POLR3B: variants seen among roughly 807,000 people sequenced by gnomAD.
The protein encoded by POLR3B is DNA-directed RNA polymerase III subunit RPC2.
In POLR3B, 96 loss-of-function variants were observed where a neutral mutation model predicts 147.4. The ratio of observed to expected loss-of-function variants is 0.65; its 90% CI spans 0.55 to 0.77. The LOEUF (loss-of-function observed/expected upper bound fraction) is 0.77, where lower values mean the gene tolerates loss of function less well. Among genes scored for constraint, POLR3B ranks in the 30% least tolerant of loss-of-function variants. POLR3B has a pLI of 0.00. For missense variants in POLR3B, 1,036 were observed against 1,413.5 expected, an observed-to-expected ratio of 0.73 and a Z score of 4.28; for synonymous variants, 461 against 485.9, an observed-to-expected ratio of 0.95 and a Z score of 0.67.
At chr12:106,377,865 C>A (rs1227243289) in intron 7 of POLR3B, among the ~76,000 whole-genome samples, 1 of 152,018 alleles carries the variant, frequency 6.6e-6, no homozygotes, top group Non-Finnish European at 1.5e-5. Context: ...GAGGCTGAGG[C>A]GGGAGGATGG....
intron 12 of POLR3B, among the ~76,000 whole-genome samples, chr12:106,411,908 AT>A (rs534832183): frequency 7.1e-4 from 108 of 152,302 alleles, no homozygotes; most frequent in Non-Finnish European, 1.4e-3. Flanking sequence ...TGTTTTAGAA[AT>A]TTCATTTAGG....
Position 106,357,948 on chromosome 12 carries a change from A to T in POLR3B, c.69A>T (p.Val23=), listed in dbSNP as rs1288161748. The T allele has an allele frequency of 1.2e-6, 2 of 1,612,694 alleles. No homozygotes were observed. The highest frequency in any genetic ancestry group is 2.7e-5 in the African/African-American group (2 of 74,918). The change falls in exon 1 of 28, where the codon GTA becomes GTT. Residue 23 remains valine, a synonymous_variant. Transcript: ENST00000228347. Reference sequence around the variant, plus strand: ...AGCTGGCGGCGCCGATCCCGACTGTAGAGGTCAGTGCCAGGCACGCAGGGA... The same window carrying T: ...AGCTGGCGGCGCCGATCCCGACTGTTGAGGTCAGTGCCAGGCACGCAGGGA... The part of the protein sequence containing the change: ...PEQLAAPIPT[V]EEKWRLLPAF...
At chr12:106,486,470 T>A (rs1359091891) in intron 23 of POLR3B, among the ~76,000 whole-genome samples, 3 of 152,086 alleles carry the variant, frequency 2.0e-5, no homozygotes, top group Non-Finnish European at 4.4e-5. Flanking sequence ...TCTTGTATCT[T>A]ACTCTGCTCC....
At position 106,369,352 on chromosome 12, in the gene POLR3B, T is replaced by C; in HGVS notation, c.303+2T>C. The stretch of plus-strand genomic sequence containing the variant: ...ACTAGACCAGTGTCCCCTCATGAGG[T>C]AATTATGAACCTTACTTTAATTGGA... On this transcript the variant is annotated splice_donor_variant, in intron 5 of 27. Transcript: ENST00000228347. LOFTEE classifies it high-confidence loss of function. The C allele has an allele frequency of 6.6e-7, 1 of 1,522,054 alleles. No homozygotes were observed. Among genetic ancestry groups the C allele is most frequent in the Non-Finnish European group, 9.1e-7 (1 of 1,095,938 alleles). 94.3% of individuals were successfully genotyped at this position (1,522,054 alleles called of 1,614,324 possible).
At chr12:106,452,818 G>A (rs1364861162) in intron 19 of POLR3B, among the ~76,000 whole-genome samples, 1 of 152,044 alleles carries the variant, frequency 6.6e-6, no homozygotes, top group Non-Finnish European at 1.5e-5. Flanking sequence ...TTTTTCAGCT[G>A]AATCTTTTTA....
chr12:106,434,701 G>A (rs1056726913), intron 16 of POLR3B, among the ~76,000 whole-genome samples: 3 of 152,134 alleles, frequency 2.0e-5, no homozygotes, highest in Admixed American at 6.6e-5. Context: ...ACCTCGGGTA[G>A]TGTTGAAGCA....
chr12:106,370,133 A>G (rs1017390991), intron 6 of POLR3B, among the ~76,000 whole-genome samples: 3 of 152,230 alleles, frequency 2.0e-5, no homozygotes, highest in Non-Finnish European at 2.9e-5. Flanking sequence ...CTTCCTGATT[A>G]GGGAAATATA....
chr12:106,363,717 C>T (rs1040546848), intron 1 of POLR3B, among the ~76,000 whole-genome samples, 153 bp from the exon 2 acceptor site: 1 of 152,166 alleles, frequency 6.6e-6, no homozygotes, highest in Non-Finnish European at 1.5e-5. Flanking sequence ...TATTTATATG[C>T]ATATGCACAC....
intron 12 of POLR3B, among the ~76,000 whole-genome samples, chr12:106,423,585 A>T (rs566026120): frequency 1.1e-4 from 16 of 152,318 alleles, no homozygotes; most frequent in Admixed American, 3.3e-4. Context: ...GTCCAAGGCC[A>T]GGAGAAAATG....
chr12:106,453,943 T>C (rs527925201), intron 19 of POLR3B, among the ~76,000 whole-genome samples: 1 of 152,338 alleles, frequency 6.6e-6, no homozygotes, highest in South Asian at 2.1e-4. Context: ...TATTAACTGC[T>C]TAATACATGA....
At chr12:106,384,882 GA>G (rs2036813907) in intron 9 of POLR3B, among the ~76,000 whole-genome samples, 1 of 151,200 alleles carries the variant, frequency 6.6e-6, no homozygotes, top group African/African-American at 2.4e-5. Context: ...GGCTGGAGTG[GA>G]ATGGCGTGAT....
Position 106,457,127 on chromosome 12 carries a change from T to C in POLR3B, c.2294-11T>C, listed in dbSNP as rs2037875320. 1.9e-6 allele frequency: 3 copies of C among 1,611,840 alleles called. No homozygotes were observed. The highest frequency in any genetic ancestry group is 2.5e-6 in the Non-Finnish European group (3 of 1,178,102). On this transcript the variant is annotated splice_polypyrimidine_tract_variant and intron_variant, in intron 20 of 27. Transcript: ENST00000228347. Reference sequence around the variant, plus strand: ...CTGGTGGTTCTAATGCCCATCTTGGTTTCATTTTAGGCTTTGGGCGTTGCC... The same window carrying C: ...CTGGTGGTTCTAATGCCCATCTTGGCTTCATTTTAGGCTTTGGGCGTTGCC...
intron 12 of POLR3B, among the ~76,000 whole-genome samples, chr12:106,426,187 A>C (rs2037431258): frequency 6.6e-6 from 1 of 150,678 alleles, no homozygotes; most frequent in African/African-American, 2.4e-5. Context: ...CCTTAGACCT[A>C]CTAAGCTGGA....
intron 16 of POLR3B, among the ~76,000 whole-genome samples, chr12:106,436,689 G>A (rs747268899): frequency 2.0e-5 from 3 of 152,100 alleles, no homozygotes; most frequent in Admixed American, 6.6e-5. Context: ...ACATTACACC[G>A]TTTTTTAAAA....
intron 12 of POLR3B, among the ~76,000 whole-genome samples, chr12:106,424,614 G>C (rs1261170035): frequency 6.6e-6 from 1 of 151,998 alleles, no homozygotes; most frequent in Non-Finnish European, 1.5e-5. Flanking sequence ...GTAAATGCTT[G>C]CTAGATTTTT....
At chr12:106,455,843 C>T (rs552810140) in intron 20 of POLR3B, among the ~76,000 whole-genome samples, 1 of 152,316 alleles carries the variant, frequency 6.6e-6, no homozygotes, top group East Asian at 1.9e-4. Flanking sequence ...ATGTCTTCAT[C>T]TGACGTCCAA....
chr12:106,424,805 T>C (rs978678585), intron 12 of POLR3B, among the ~76,000 whole-genome samples: 3 of 152,310 alleles, frequency 2.0e-5, no homozygotes, highest in African/African-American at 4.8e-5. Flanking sequence ...AGCTTTTTCA[T>C]TGAGATTGCA....
intron 18 of POLR3B, among the ~76,000 whole-genome samples, chr12:106,441,619 AT>A (rs1238534255): frequency 6.6e-6 from 1 of 152,146 alleles, no homozygotes; most frequent in African/African-American, 2.4e-5. Context: ...ACATATATAT[AT>A]TTTTTTAATT....
rs1018133912 is a variant in POLR3B, at chr12:106,357,788, C to G, written c.-92C>G. ...GCACGGCGGGGACAGTTTAGGCCTC[C>G]GCGCACCGTTCGCCGGGAGTCTTGC... is the stretch of plus-strand genomic sequence containing the variant. On this transcript the variant is annotated 5_prime_UTR_variant, in exon 1 of 28. Transcript: ENST00000228347. 5.4e-6 allele frequency: 7 copies of G among 1,299,900 alleles called. No individual in the cohort carries two copies. Among genetic ancestry groups the G allele is most frequent in the Non-Finnish European group, 7.6e-6 (7 of 917,828 alleles). The allele number at this position is 1,299,900 out of a possible 1,614,324, so 80.5% of individuals were successfully genotyped here. A position where few individuals can be genotyped will look rare whatever the true frequency, so the allele number is the denominator to read the frequency against.
Sources: allele counts gnomAD v4.1 joint callset (sites outside exome capture counted in the v4.1 genomes callset), GRCh38; gene constraint gnomAD v4.1.1; transcripts MANE v1.5; gene names NCBI Gene and HGNC (gene_info 2026-07-23, HGNC 2026-07-21).